Variants in SMYD3 observed in about 807,000 individuals in gnomAD.
SMYD3 encodes the protein histone-lysine N-methyltransferase SMYD3.
Under a neutral mutation model 57.7 loss-of-function variants are expected in SMYD3, and 36 were observed. That is an observed-to-expected ratio of 0.62 (90% CI 0.48 to 0.82). The LOEUF (loss-of-function observed/expected upper bound fraction) is 0.82. Ranked by LOEUF, SMYD3 falls within the 40% of genes least tolerant of loss-of-function variation. The pLI, the probability that SMYD3 is intolerant of heterozygous loss-of-function variation, is 0.00. For synonymous variants in SMYD3, 211 were observed against 195.0 expected, an observed-to-expected ratio of 1.08 and a Z score of -0.68; for missense variants, 515 against 538.8, an observed-to-expected ratio of 0.96 and a Z score of 0.44.
At chr1:245,921,313 C>T (rs1338560606) in intron 7 of SMYD3, among the ~76,000 whole-genome samples, 10 of 152,130 alleles carry the variant, frequency 6.6e-5, no homozygotes, top group Admixed American at 2.6e-4. Context: ...AAAGGGAACA[C>T]TTATACACTA....
intron 10 of SMYD3, among the ~76,000 whole-genome samples, chr1:245,807,827 AC>A (rs1381383651): frequency 1.2e-4 from 18 of 150,060 alleles, no homozygotes; most frequent in African/African-American, 4.4e-4. Context: ...AAAAAAAAAA[AC>A]AAAAAACAAA....
At chr1:245,958,018 GA>G (rs985169967) in intron 5 of SMYD3, among the ~76,000 whole-genome samples, 2 of 148,536 alleles carry the variant, frequency 1.3e-5, no homozygotes, top group East Asian at 2.1e-4. Context: ...GAGACTTTGA[GA>G]AAAAAAAAGC....
At chr1:246,119,347 T>C (rs1225948910) in intron 5 of SMYD3, among the ~76,000 whole-genome samples, 1 of 152,014 alleles carries the variant, frequency 6.6e-6, no homozygotes, top group South Asian at 2.1e-4. Flanking sequence ...TCTGCCACTG[T>C]AGTTGGGTCT....
intron 11 of SMYD3, among the ~76,000 whole-genome samples, chr1:245,759,430 C>G (rs553603145): frequency 6.6e-6 from 1 of 150,792 alleles, no homozygotes; most frequent in African/African-American, 2.5e-5. Context: ...CTGAAGCTGC[C>G]ATCCCCACCA....
intron 10 of SMYD3, among the ~76,000 whole-genome samples, chr1:245,855,961 ACTGT>A (rs2148469243): frequency 6.6e-6 from 1 of 152,356 alleles, no homozygotes; most frequent in East Asian, 1.9e-4. Context: ...TGCCTAGCTA[ACTGT>A]CTGTGTCCTT....
intron 10 of SMYD3, among the ~76,000 whole-genome samples, chr1:245,843,617 GT>G (rs1224194624): frequency 2.0e-5 from 3 of 151,314 alleles, no homozygotes; most frequent in African/African-American, 7.3e-5. Context: ...AGTAACATCA[GT>G]TGTATTACCT....
At chr1:246,091,340 TGGG>T (rs2147888861) in intron 5 of SMYD3, among the ~76,000 whole-genome samples, 1 of 152,292 alleles carries the variant, frequency 6.6e-6, no homozygotes, top group African/African-American at 2.4e-5. Flanking sequence ...CACCGCTGGA[TGGG>T]TTGTGGGCAA....
At chr1:246,410,580 T>G (rs1210373949) in intron 1 of SMYD3, among the ~76,000 whole-genome samples, 1 of 152,238 alleles carries the variant, frequency 6.6e-6, no homozygotes, top group East Asian at 1.9e-4. Flanking sequence ...TGCCAGTATT[T>G]TATTGAGGAT....
intron 5 of SMYD3, among the ~76,000 whole-genome samples, chr1:246,263,521 A>T (rs2064049686): frequency 2.0e-5 from 3 of 152,210 alleles, no homozygotes; most frequent in African/African-American, 7.2e-5. Flanking sequence ...AGTATGCAGG[A>T]AAATGCCTGC....
chr1:246,096,802 A>T (rs1416081), intron 5 of SMYD3, among the ~76,000 whole-genome samples: 129,618 of 152,250 alleles, frequency 0.85, 55,409 homozygotes, highest in Admixed American at 0.9. Context: ...TGTAACTCTA[A>T]TTCCAGTTAC....
chr1:246,462,807 C>A (rs951867222), intron 1 of SMYD3, among the ~76,000 whole-genome samples: 1 of 151,542 alleles, frequency 6.6e-6, no homozygotes, highest in Non-Finnish European at 1.5e-5. Flanking sequence ...CATTTTAGGT[C>A]GAAATGAGAT....
At chr1:246,486,105 G>A (rs990252886) in intron 1 of SMYD3, among the ~76,000 whole-genome samples, 1 of 152,152 alleles carries the variant, frequency 6.6e-6, no homozygotes, top group Non-Finnish European at 1.5e-5. Flanking sequence ...GCTGGATGCT[G>A]AACACTTTAT....
intron 8 of SMYD3, among the ~76,000 whole-genome samples, chr1:245,908,798 T>C (rs2054759716): frequency 6.6e-6 from 1 of 152,244 alleles, no homozygotes; most frequent in Admixed American, 6.5e-5. Flanking sequence ...TCAAAATGTA[T>C]GGGTTACAGC....
At chr1:246,206,745 G>C (rs2148380377) in intron 5 of SMYD3, among the ~76,000 whole-genome samples, 1 of 152,310 alleles carries the variant, frequency 6.6e-6, no homozygotes, top group East Asian at 1.9e-4. Context: ...CTGTGGCTAA[G>C]AGAGCACTTT....
intron 8 of SMYD3, among the ~76,000 whole-genome samples, chr1:245,904,690 A>G (rs12088190): frequency 0.23 from 34,415 of 151,922 alleles, 5,695 homozygotes; most frequent in African/African-American, 0.45. Flanking sequence ...CTCGTAGGCA[A>G]GTCCTACAGC....
At chr1:246,332,727 G>C (rs6659485) in intron 3 of SMYD3, among the ~76,000 whole-genome samples, 82,248 of 152,086 alleles carry the variant, frequency 0.54, 23,174 homozygotes, top group Middle Eastern at 0.71. Context: ...ACAATCGCTT[G>C]AGCCTAAGAG....
chr1:246,017,851 C>T (rs2059403633), intron 5 of SMYD3, among the ~76,000 whole-genome samples: 1 of 152,162 alleles, frequency 6.6e-6, no homozygotes, highest in South Asian at 2.1e-4. Context: ...TAACCTATTA[C>T]TACCGTTATT....
chr1:245,853,231 A>G (rs2051064318), intron 10 of SMYD3, among the ~76,000 whole-genome samples: 1 of 152,192 alleles, frequency 6.6e-6, no homozygotes, highest in Non-Finnish European at 1.5e-5. Context: ...GTCCTACTCC[A>G]TGAGCATGGA....
intron 5 of SMYD3, among the ~76,000 whole-genome samples, chr1:246,021,748 C>G (rs2059473794): frequency 6.6e-6 from 1 of 152,104 alleles, no homozygotes; most frequent in Non-Finnish European, 1.5e-5. Flanking sequence ...TTTTACATAG[C>G]AAGTTTTTTG....
Sources: gnomAD v4.1 joint callset for allele counts (sites outside exome capture counted in the v4.1 genomes callset) on GRCh38, gnomAD v4.1.1 for gene constraint, MANE v1.5 for transcripts, NCBI Gene and HGNC (gene_info 2026-07-23, HGNC 2026-07-21) for gene names.